The following AMD1 variants were observed in gnomAD, a reference collection of about 807,000 sequenced individuals.
The protein encoded by AMD1 is adenosylmethionine decarboxylase 1.
AMD1 carries 11 observed loss-of-function variants against 40.2 expected under a neutral mutation model. The observed-to-expected ratio is 0.27, with a 90% confidence interval of 0.17 to 0.45. The LOEUF (loss-of-function observed/expected upper bound fraction) is 0.45. Ranked by LOEUF, AMD1 falls within the 20% of genes least tolerant of loss-of-function variation. The pLI, the probability that AMD1 is intolerant of heterozygous loss-of-function variation, is 1.00. For missense variants in AMD1, 257 were observed against 410.2 expected (o/e 0.63, Z 3.23); for synonymous variants, 121 against 130.8 (o/e 0.93, Z 0.51).
At chr6:110,872,716 C>T (rs915132871), upstream of AMD1, among the ~76,000 whole-genome samples, 7 of 152,066 alleles carry the variant, frequency 4.6e-5, no homozygotes, top group Middle Eastern at 3.2e-3. Context: ...TACAAAGGAC[C>T]AATCCAGTTG....
the AMD1 span, among the ~76,000 whole-genome samples, chr6:110,857,544 A>T: frequency 6.7e-6 from 1 of 148,492 alleles, no homozygotes; most frequent in Non-Finnish European, 1.5e-5. Flanking sequence ...AAAAAAAGTT[A>T]TATATATATA....
the AMD1 span, among the ~76,000 whole-genome samples, chr6:110,854,644 C>T: frequency 1.3e-5 from 2 of 152,088 alleles, no homozygotes; most frequent in Non-Finnish European, 2.9e-5. Flanking sequence ...GATGGGATTT[C>T]ACCATGTTGG....
the AMD1 span, among the ~76,000 whole-genome samples, chr6:110,827,942 AT>A: frequency 1.3e-5 from 2 of 152,074 alleles, no homozygotes; most frequent in African/African-American, 4.8e-5. Context: ...TTTTATTGTC[AT>A]TTTTTTCCTA....
chr6:110,846,439 T>C, the AMD1 span, among the ~76,000 whole-genome samples: 58 of 152,354 alleles, frequency 3.8e-4, no homozygotes, highest in African/African-American at 1.3e-3. Flanking sequence ...TAATTTCTTA[T>C]ATGACTGACA....
intron 1 of AMD1, among the ~76,000 whole-genome samples, chr6:110,883,870 C>T (rs1030125180): frequency 2.0e-5 from 3 of 152,076 alleles, no homozygotes; most frequent in Non-Finnish European, 2.9e-5. Context: ...GGATTACAGG[C>T]GTGAGCCACT....
At chr6:110,815,913 C>G in the AMD1 span, 4 of 152,264 alleles carry the variant, frequency 2.6e-5, no homozygotes, top group Admixed American at 6.5e-5. Flanking sequence ...TATTGCCCCG[C>G]CCCCCGTCCC....
the AMD1 span, among the ~76,000 whole-genome samples, chr6:110,866,261 A>T: frequency 6.6e-6 from 1 of 152,234 alleles, no homozygotes; most frequent in Admixed American, 6.5e-5. Flanking sequence ...AAATAATGGA[A>T]ATGTAATATA....
Position 110,893,635 on chromosome 6 carries a change from A to G in AMD1, c.*19A>G. 6.2e-7 allele frequency: 1 copy of G among 1,608,816 alleles called. No homozygotes were observed. The highest frequency in any genetic ancestry group is 8.5e-7 in the Non-Finnish European group (1 of 1,179,476). On this transcript the variant is annotated 3_prime_UTR_variant, in exon 9 of 9. Coordinates refer to ENST00000368885, the MANE Select transcript of AMD1 (RefSeq NM_001634.6). ...GAGTTGATTAAGAAAAATGAAGAAA[A>G]AACGCAAAAAGAGAACACATGTAGA...
chr6:110,847,022 A>G, the AMD1 span, among the ~76,000 whole-genome samples: 1 of 151,754 alleles, frequency 6.6e-6, no homozygotes, highest in East Asian at 1.9e-4. Flanking sequence ...TTAGGATTCT[A>G]CCAGAAAAAG....
chr6:110,893,895 A>AGTG lies in AMD1; in HGVS notation c.*279_*280insGTG, dbSNP rs1583225603. 5.8e-6 allele frequency: 2 copies of AGTG among 346,186 alleles called. No homozygotes were observed. The highest frequency in any genetic ancestry group is 5.9e-5 in the East Asian group (1 of 16,848). The allele number at this position is 346,186 out of a possible 1,614,324, so 21.4% of individuals were successfully genotyped here. A position where few individuals can be genotyped will look rare whatever the true frequency, so the allele number is the denominator to read the frequency against. On this transcript the variant is annotated 3_prime_UTR_variant, in exon 9 of 9. Transcript: ENST00000368885. ...TAGAAAAAACCTTTTACTATATGAA[A>AGTG]CTTTACAACACTTGTGAAAGCAACT...
chr6:110,891,819 T>C (rs974484885), intron 4 of AMD1: 11 of 278,272 alleles, frequency 4.0e-5, no homozygotes, highest in South Asian at 2.6e-4. Flanking sequence ...CTTGGCTCAC[T>C]GCAACCTCCG....
chr6:110,887,453 G>A, intron 1 of AMD1, 52 bp from the exon 2 acceptor site: 2 of 1,296,864 alleles, frequency 1.5e-6, no homozygotes, highest in Non-Finnish European at 2.2e-6. Flanking sequence ...TAATTTTTAT[G>A]AGTAGGTGGG....
At chr6:110,830,412 G>A in the AMD1 span, among the ~76,000 whole-genome samples, 1 of 152,128 alleles carries the variant, frequency 6.6e-6, no homozygotes, top group Non-Finnish European at 1.5e-5. Flanking sequence ...CAGACCAGAT[G>A]GAAGACTGGC....
At chr6:110,869,038 A>G in the AMD1 span, among the ~76,000 whole-genome samples, 1 of 151,836 alleles carries the variant, frequency 6.6e-6, no homozygotes, top group Admixed American at 6.6e-5. Context: ...CAGCCTGGGC[A>G]ATAAGAGCGA....
chr6:110,864,340 C>A, the AMD1 span: 1 of 152,378 alleles, frequency 6.6e-6, no homozygotes, highest in Non-Finnish European at 1.5e-5. Flanking sequence ...AACCTGCACA[C>A]TTCTCAAAAG....
the AMD1 span, among the ~76,000 whole-genome samples, chr6:110,827,004 T>A: frequency 6.6e-6 from 1 of 152,086 alleles, no homozygotes; most frequent in Non-Finnish European, 1.5e-5. Flanking sequence ...AACTTCCCTC[T>A]TCTCATTCCA....
chr6:110,854,539 C>T, the AMD1 span, among the ~76,000 whole-genome samples: 6 of 152,106 alleles, frequency 3.9e-5, no homozygotes, highest in Non-Finnish European at 7.4e-5. Context: ...ACCTCTGCCT[C>T]CCGGGTTCAA....
intron 4 of AMD1, 135 bp downstream of exon 4, chr6:110,890,491 T>C: frequency 1.5e-6 from 1 of 676,756 alleles, no homozygotes; most frequent in Admixed American, 3.5e-5. Flanking sequence ...TCTTGTGGGT[T>C]TTTTGGTTTG....
rs776813849 is a variant in AMD1, at chr6:110,893,019, A to T, written c.818A>T (p.Glu273Val). 1.2e-6 allele frequency: 2 copies of T among 1,613,510 alleles called. No homozygotes were observed. Among genetic ancestry groups the T allele is most frequent in the Non-Finnish European group, 1.7e-6 (2 of 1,179,722 alleles). The change falls in exon 8 of 9, where the codon GAA (glutamate) becomes GTA (valine). Residue 273 changes from glutamate (E) to valine (V), a missense_variant. Coordinates refer to ENST00000368885, the MANE Select transcript of AMD1 (RefSeq NM_001634.6). Reference sequence around the variant, plus strand: ...GATGACCTGATCAGGAAAGTTGTAGAAGTCTTCAAGCCAGGAAAATTTGTG... The same window carrying T: ...GATGACCTGATCAGGAAAGTTGTAGTAGTCTTCAAGCCAGGAAAATTTGTG... ...SYDDLIRKVV[E>V]VFKPGKFVTT...
Sources: allele counts gnomAD v4.1 joint callset (sites outside exome capture counted in the v4.1 genomes callset), GRCh38; gene constraint gnomAD v4.1.1; transcripts MANE v1.5; gene names NCBI Gene and HGNC (gene_info 2026-07-23, HGNC 2026-07-21).